Variants in SMARCA2 observed in about 807,000 individuals in gnomAD.
The protein encoded by SMARCA2 is SWI/SNF-related matrix-associated actin-dependent regulator of chromatin subfamily A member 2.
A neutral mutation model predicts 199.8 loss-of-function variants in SMARCA2; 61 were observed. The observed-to-expected ratio is 0.31, with a 90% CI of 0.25 to 0.38. The LOEUF is 0.38. SMARCA2 is among the 10% of genes least tolerant of loss of function. The pLI, the probability that SMARCA2 is intolerant of heterozygous loss-of-function variation, is 1.00. For synonymous variants in SMARCA2, 935 were observed against 732.0 expected, an observed-to-expected ratio of 1.28 and a Z score of -4.48; for missense variants, 1,344 against 2,012.2, an observed-to-expected ratio of 0.67 and a Z score of 6.35.
chr9:2,186,194 GGAAGAGGAAGATGAA>G lies in SMARCA2; in HGVS notation c.4567_4581del (p.Glu1523_Glu1527del). ...GTGAGGATGAAAGCAATGAAGAGGAGGAAGAGGAAGATGAAGAAGAGTCAGAGTCCGAGGGTAAGC... is the reference window on the plus strand; with the variant it reads ...GTGAGGATGAAAGCAATGAAGAGGAGGAAGAGTCAGAGTCCGAGGGTAAGC... On this transcript the variant is annotated inframe_deletion, in exon 32 of 34. Transcript: ENST00000349721. 6.2e-7 allele frequency: 1 copy of G among 1,614,008 alleles called. No individual in the cohort carries two copies. Among genetic ancestry groups the G allele is most frequent in the Non-Finnish European group, 8.5e-7 (1 of 1,179,900 alleles).
chr9:2,062,412 A>C (rs1182856825), intron 9 of SMARCA2, among the ~76,000 whole-genome samples: 1 of 152,198 alleles, frequency 6.6e-6, no homozygotes, highest in Non-Finnish European at 1.5e-5. Flanking sequence ...CTTTGTGATT[A>C]AAAGCTAATG....
At chr9:2,033,280 C>G (rs1242889525) in intron 3 of SMARCA2, 199 bp downstream of exon 3, 1 of 537,378 alleles carries the variant, frequency 1.9e-6, no homozygotes. Context: ...TTTCCGAAGT[C>G]CTAGTAATTT....
In SMARCA2 at chr9:2,191,404, A is replaced by C. The variant is rs1237821048; in HGVS notation, c.4733A>C (p.Glu1578Ala). 6.2e-7 allele frequency: 1 copy of C among 1,614,110 alleles called. No homozygotes were observed. ...TTTGACAGCGATGAGGAGCAGGATG[A>C]ACGTGTAAGTGTAGCCGACTGGGAC... is the stretch of plus-strand genomic sequence containing the variant. ...SDFDSDEEQD[E>A]REQSEGSGTD... The change falls in exon 33 of 34, where the codon GAA (glutamate) becomes GCA (alanine). Residue 1578 changes from glutamate to alanine, a missense_variant. Physicochemically the swap from Glu to Ala is moderately radical, Grantham distance 107 (BLOSUM62 -1). This residue lies in a region of SMARCA2 where 155 missense variants were observed against 121.1 expected (regional missense o/e 1.28). Coordinates refer to ENST00000349721, the MANE Select transcript of SMARCA2 (RefSeq NM_003070.5).
At chr9:2,144,078 G>T (rs535412841) in intron 27 of SMARCA2, among the ~76,000 whole-genome samples, 1 of 151,978 alleles carries the variant, frequency 6.6e-6, no homozygotes. Context: ...GATGGGGGGG[G>T]ATGTAGGCAT....
intron 4 of SMARCA2, 143 bp from the exon 5 acceptor site, chr9:2,047,086 T>C: frequency 1.9e-6 from 1 of 530,436 alleles, no homozygotes; most frequent in Non-Finnish European, 2.4e-6. Context: ...TGCCCTCCTT[T>C]TTTTTTTTTT....
chr9:2,078,819 C>G lies in SMARCA2; in HGVS notation c.2184+1043C>G, dbSNP rs558745435. Among the ~76,000 whole-genome samples, 27 of 152,052 alleles carry G rather than the reference C, an allele frequency of 1.8e-4. No individual in the cohort carries two copies. The South Asian group carries it at 5.4e-3, about 30-fold the overall frequency. ...AATTAGCTGGGTGTGGTGGCGGGCACCTGTAGTCCCAGCTACTCGGGAAGC... is the reference window on the plus strand; with the variant it reads ...AATTAGCTGGGTGTGGTGGCGGGCAGCTGTAGTCCCAGCTACTCGGGAAGC... On this transcript the variant is annotated intron_variant, in intron 14 of 33. Coordinates refer to ENST00000349721, the MANE Select transcript of SMARCA2 (RefSeq NM_003070.5).
At chr9:2,166,433 G>A (rs7868807) in intron 28 of SMARCA2, among the ~76,000 whole-genome samples, 60,433 of 151,832 alleles carry the variant, frequency 0.4, 12,209 homozygotes, top group Admixed American at 0.43. Context: ...CCCCACCCCA[G>A]AACACACATA....
intron 10 of SMARCA2, among the ~76,000 whole-genome samples, chr9:2,072,920 T>C (rs1194153499): frequency 6.6e-6 from 1 of 152,190 alleles, no homozygotes; most frequent in Admixed American, 6.5e-5. Flanking sequence ...GGTGCACCTG[T>C]TGGTTTCCAC....
intron 29 of SMARCA2, among the ~76,000 whole-genome samples, chr9:2,174,924 C>CAAAAAAAAAAAAAAAAAA (rs61327057): frequency 4.8e-5 from 3 of 62,320 alleles, no homozygotes; most frequent in Admixed American, 2.3e-4. Context: ...GACCCTCTCT[C>CAAAAAAAAAAAAAAAAAA]AAAAAAAAAA....
At chr9:2,060,118 C>CAATAA (rs1820519647) in intron 8 of SMARCA2, among the ~76,000 whole-genome samples, 1 of 62,388 alleles carries the variant, frequency 1.6e-5, no homozygotes, top group African/African-American at 4.4e-5. Context: ...GATCTGTGGC[C>CAATAA]AAAAAAAAAA....
At chr9:2,040,792 C>T (rs1354521730) in intron 4 of SMARCA2, 1 of 152,250 alleles carries the variant, frequency 6.6e-6, no homozygotes. Context: ...AGAAATGATA[C>T]AATCCTTTGC....
intron 31 of SMARCA2, among the ~76,000 whole-genome samples, chr9:2,184,734 ATTTGTT>A (rs1827310403): frequency 6.6e-6 from 1 of 151,838 alleles, no homozygotes; most frequent in Admixed American, 6.6e-5. Context: ...CATCTTTCTC[ATTTGTT>A]TTCCTTTCTA....
At chr9:2,113,105 A>C (rs1430962272) in intron 24 of SMARCA2, among the ~76,000 whole-genome samples, 1 of 152,232 alleles carries the variant, frequency 6.6e-6, no homozygotes, top group Non-Finnish European at 1.5e-5. Flanking sequence ...GCATTGAAGA[A>C]AAATTTCTAT....
intron 1 of SMARCA2, among the ~76,000 whole-genome samples, chr9:2,028,033 C>T (rs1196203434): frequency 1.3e-5 from 2 of 152,170 alleles, no homozygotes; most frequent in Non-Finnish European, 2.9e-5. Context: ...TGCCAAGAAG[C>T]CTTGGAGTGT....
intron 29 of SMARCA2, among the ~76,000 whole-genome samples, chr9:2,172,309 G>A (rs1386082442): frequency 6.6e-6 from 1 of 152,028 alleles, no homozygotes; most frequent in African/African-American, 2.4e-5. Flanking sequence ...AATAATGCAA[G>A]TACCTGGTAT....
At chr9:2,023,721 C>A (rs927762838) in intron 1 of SMARCA2, among the ~76,000 whole-genome samples, 5 of 152,214 alleles carry the variant, frequency 3.3e-5, no homozygotes, top group African/African-American at 1.2e-4. Context: ...TCCTTACCCA[C>A]CCCGCACTGC....
chr9:2,168,649 A>G (rs1826066894), intron 28 of SMARCA2, among the ~76,000 whole-genome samples: 1 of 152,236 alleles, frequency 6.6e-6, no homozygotes, highest in African/African-American at 2.4e-5. Flanking sequence ...TTACACTGGC[A>G]TTCATACTGT....
In SMARCA2 at chr9:2,104,156, C is replaced by T. The variant is rs1411324370; in HGVS notation, c.3279C>T (p.Tyr1093=). 6.2e-7 allele frequency: 1 copy of T among 1,613,860 alleles called. No individual in the cohort carries two copies. The highest frequency in any genetic ancestry group is 8.5e-7 in the Non-Finnish European group (1 of 1,179,868). ...ATTTTGCTTTTCGGAACTTCCTTTACCTACGCCTTGATGGTAAGTGCATAA... is the reference window on the plus strand; with the variant it reads ...ATTTTGCTTTTCGGAACTTCCTTTATCTACGCCTTGATGGTAAGTGCATAA... The part of the protein sequence containing the change: ...EDYFAFRNFL[Y]LRLDGTTKSE... The change falls in exon 23 of 34, where the codon TAC becomes TAT. Residue 1093 remains tyrosine (Y), a synonymous_variant. Coordinates refer to ENST00000349721, the MANE Select transcript of SMARCA2 (RefSeq NM_003070.5). The surrounding 1 kb of genome is among the most constrained non-coding windows in gnomAD (Gnocchi z 4.0).
intron 10 of SMARCA2, among the ~76,000 whole-genome samples, chr9:2,070,741 A>C (rs1454275940): frequency 2.0e-5 from 3 of 152,240 alleles, no homozygotes; most frequent in African/African-American, 7.2e-5. Flanking sequence ...TCGTATGTTT[A>C]CAAATATATA....
Sources: gnomAD v4.1 joint callset for allele counts (sites outside exome capture counted in the v4.1 genomes callset) on GRCh38, gnomAD v4.1.1 for gene constraint, gnomAD v4.1.1 regional missense constraint, Gnocchi (gnomAD v3.1) non-coding constraint, MANE v1.5 for transcripts, NCBI Gene and HGNC (gene_info 2026-07-23, HGNC 2026-07-21) for gene names.